The following AGT variants were observed in gnomAD, a reference collection of about 807,000 sequenced individuals.
AGT encodes angiotensinogen.
Under a neutral mutation model 28.1 loss-of-function variants are expected in AGT, and 26 were observed. The ratio of observed to expected loss-of-function variants is 0.92; its 90% CI spans 0.68 to 1.28. AGT has a LOEUF of 1.28. Ranked by LOEUF, AGT falls within the 50% of genes most tolerant of loss-of-function variation. AGT has a pLI of 0.00. For missense variants in AGT, 596 were observed against 592.3 expected, an observed-to-expected ratio of 1.01 and a Z score of -0.06; for synonymous variants, 259 against 259.6, an observed-to-expected ratio of 1.00 and a Z score of 0.02.
At chr1:230,734,480 A>G (rs1430119010) in intron 1 of AGT, among the ~76,000 whole-genome samples, 1 of 152,186 alleles carries the variant, frequency 6.6e-6, no homozygotes, top group African/African-American at 2.4e-5. Flanking sequence ...TGATGAGTCC[A>G]CAACAATGCA....
upstream of AGT, among the ~76,000 whole-genome samples, chr1:230,717,755 G>A (rs1663766073): frequency 6.6e-6 from 1 of 152,128 alleles, no homozygotes; most frequent in Non-Finnish European, 1.5e-5. Context: ...CCTCATTGCT[G>A]CCCATCTATA....
chr1:230,745,000 C>T (rs895248690), intron 1 of AGT, among the ~76,000 whole-genome samples: 8 of 152,288 alleles, frequency 5.3e-5, no homozygotes, highest in Admixed American at 2.6e-4. Context: ...TTAATCACTT[C>T]GAAACAGAGC....
At chr1:230,716,523 T>C (rs1977412), upstream of AGT, among the ~76,000 whole-genome samples, 38,690 of 152,152 alleles carry the variant, frequency 0.25, 6,532 homozygotes, top group East Asian at 0.5. Context: ...CCATGTGTCA[T>C]GGGAGGGACC....
At chr1:230,703,514 C>G (rs1334414493) in intron 4 of AGT, among the ~76,000 whole-genome samples, 185 bp from the exon 5 acceptor site, 2 of 152,132 alleles carry the variant, frequency 1.3e-5, no homozygotes, top group Non-Finnish European at 2.9e-5. Flanking sequence ...AAGGGTGTGT[C>G]TGTGTGTAGA....
At chr1:230,720,944 G>A (rs955541400) in intron 1 of AGT, among the ~76,000 whole-genome samples, 2 of 152,188 alleles carry the variant, frequency 1.3e-5, no homozygotes, top group South Asian at 2.1e-4. Context: ...CATTCTGGGC[G>A]TGGGACAAGA....
At chr1:230,728,085 T>A (rs1438959378) in intron 1 of AGT, among the ~76,000 whole-genome samples, 2 of 152,084 alleles carry the variant, frequency 1.3e-5, no homozygotes, top group Non-Finnish European at 1.5e-5. Context: ...GTGGAAAAAA[T>A]GGTCCTCATA....
intron 1 of AGT, among the ~76,000 whole-genome samples, chr1:230,727,749 A>T (rs1663971231): frequency 1.3e-5 from 2 of 152,202 alleles, no homozygotes. Context: ...CCTACCCTAT[A>T]TAAGGTACTG....
intron 1 of AGT, among the ~76,000 whole-genome samples, chr1:230,722,548 GC>G (rs1663868277): frequency 6.6e-6 from 1 of 152,232 alleles, no homozygotes; most frequent in Admixed American, 6.5e-5. Context: ...AGGGGGCTGT[GC>G]CCTGCAAAAC....
chr1:230,740,314 GGGT>G (rs1664224931), intron 1 of AGT, among the ~76,000 whole-genome samples: 1 of 152,020 alleles, frequency 6.6e-6, no homozygotes, highest in Non-Finnish European at 1.5e-5. Context: ...ATTTATCAGT[GGGT>G]TCTTTGTGAC....
chr1:230,704,918 C>T (rs1179386578), intron 3 of AGT, among the ~76,000 whole-genome samples: 2 of 152,228 alleles, frequency 1.3e-5, no homozygotes, highest in African/African-American at 4.8e-5. Flanking sequence ...GCACTATTCA[C>T]AGCAGCTCAA....
rs368010624 is a variant in AGT, at chr1:230,735,607, G to A, written c.-31+9908C>T. Among the ~76,000 whole-genome samples, 18 of 151,896 alleles carry A rather than the reference G, an allele frequency of 1.2e-4. No homozygotes were observed. In the East Asian group the frequency reaches 2.5e-3, roughly 21 times the overall value. On this transcript the variant is annotated intron_variant, in intron 1 of 4. Coordinates refer to the AGT transcript ENST00000681269. Reference sequence around the variant, plus strand: ...TGACTCACCTGGTGGCCCCTCCCTCGGAGTGCACTTGTCACCCTGCTCCAC... The same window carrying A: ...TGACTCACCTGGTGGCCCCTCCCTCAGAGTGCACTTGTCACCCTGCTCCAC...
chr1:230,744,005 G>A (rs1664295621), intron 1 of AGT, among the ~76,000 whole-genome samples: 1 of 152,246 alleles, frequency 6.6e-6, no homozygotes, highest in Non-Finnish European at 1.5e-5. Flanking sequence ...CTGCTAAAGA[G>A]AAGAAAATAC....
At chr1:230,737,661 C>T (rs1177438973) in intron 1 of AGT, among the ~76,000 whole-genome samples, 2 of 152,120 alleles carry the variant, frequency 1.3e-5, no homozygotes, top group Middle Eastern at 3.2e-3. Flanking sequence ...TTTAGTACTA[C>T]AACTTTACGA....
Position 230,703,176 on chromosome 1 carries a change from G to A in AGT, c.1396C>T (p.Leu466=), listed in dbSNP as rs139076791. The A allele has an allele frequency of 1.2e-6, 2 of 1,614,148 alleles. No homozygotes were observed. Among genetic ancestry groups the A allele is most frequent in the Non-Finnish European group, 1.7e-6 (2 of 1,180,050 alleles). Residue 466 remains leucine, a synonymous_variant, in exon 5 of 5, where the codon CTG becomes TTG. Coordinates refer to ENST00000366667, the MANE Select transcript of AGT (RefSeq NM_001384479.1). ...YDQSATALHF[L]GRVANPLSTA ...CTCAGCGGGTTGGCCACGCGGCCCA[G>A]GAAGTGCAGGGCAGTGGCGCTTTGA... is the stretch of plus-strand genomic sequence containing the variant.
chr1:230,709,688 C>T (rs1663514250), intron 2 of AGT, among the ~76,000 whole-genome samples: 1 of 152,180 alleles, frequency 6.6e-6, no homozygotes, highest in Non-Finnish European at 1.5e-5. Context: ...CACTTTGTTT[C>T]TCCGAGTCTC....
At chr1:230,742,534 C>T (rs1664265685) in intron 1 of AGT, among the ~76,000 whole-genome samples, 2 of 152,196 alleles carry the variant, frequency 1.3e-5, no homozygotes, top group Non-Finnish European at 2.9e-5. Context: ...CAAGGCTGGT[C>T]TTGAACTCCT....
intron 1 of AGT, among the ~76,000 whole-genome samples, chr1:230,725,796 C>T (rs1663929657): frequency 6.6e-6 from 1 of 152,086 alleles, no homozygotes; most frequent in South Asian, 2.1e-4. Flanking sequence ...ATCCAAGAGG[C>T]CAGTCATGGT....
intron 1 of AGT, among the ~76,000 whole-genome samples, chr1:230,743,065 A>G (rs1382310029): frequency 6.6e-6 from 1 of 152,046 alleles, no homozygotes; most frequent in Non-Finnish European, 1.5e-5. Flanking sequence ...ATCTCGGCTC[A>G]CTGCAGCCTC....
Position 230,706,127 on chromosome 1 carries a change from A to T in AGT, c.903T>A (p.Val301=), listed in dbSNP as rs975063826. The part of the protein sequence containing the change: ...FWVDNSTSVS[V]PMLSGMGTFQ... ...AGGTGCCCATGCCAGAGAGCATGGGAACAGACACTGAGGTGCTGTTGTCCA... is the reference window on the plus strand; with the variant it reads ...AGGTGCCCATGCCAGAGAGCATGGGTACAGACACTGAGGTGCTGTTGTCCA... The change falls in exon 3 of 5, where the codon GTT becomes GTA. Residue 301 remains valine, a synonymous_variant. Coordinates refer to ENST00000366667, the MANE Select transcript of AGT (RefSeq NM_001384479.1). The T allele has an allele frequency of 9.3e-6, 15 of 1,613,920 alleles. No homozygotes were observed. The highest frequency in any genetic ancestry group is 1.3e-5 in the Non-Finnish European group (15 of 1,179,966).
Sources: gnomAD v4.1 joint callset for allele counts (sites outside exome capture counted in the v4.1 genomes callset) on GRCh38, gnomAD v4.1.1 for gene constraint, MANE v1.5 for transcripts, NCBI Gene and HGNC (gene_info 2026-07-23, HGNC 2026-07-21) for gene names.